Variants in TSGA10 observed in about 807,000 individuals in gnomAD.
TSGA10 encodes the protein testis-specific gene 10 protein.
Under a neutral mutation model 96.6 loss-of-function variants are expected in TSGA10, and 43 were observed. The ratio of observed to expected loss-of-function variants is 0.44; its 90% CI spans 0.35 to 0.57. TSGA10 has a LOEUF of 0.57. Among genes scored for constraint, TSGA10 ranks in the 20% least tolerant of loss-of-function variants. The pLI is 0.01. For synonymous variants in TSGA10, 229 were observed against 269.9 expected, an observed-to-expected ratio of 0.85 and a Z score of 1.48; for missense variants, 703 against 834.4, an observed-to-expected ratio of 0.84 and a Z score of 1.94.
intron 10 of TSGA10, among the ~76,000 whole-genome samples, chr2:99,096,972 T>C (rs748444080): frequency 2.0e-4 from 30 of 152,252 alleles, no homozygotes; most frequent in Admixed American, 5.2e-4. Context: ...ACCAAATTAA[T>C]GCATATAGAA....
intron 9 of TSGA10, among the ~76,000 whole-genome samples, chr2:99,104,679 T>G (rs971120628): frequency 6.6e-6 from 1 of 152,170 alleles, no homozygotes; most frequent in Non-Finnish European, 1.5e-5. Context: ...TTCACCATAT[T>G]GGTCAGGCTG....
chr2:99,121,459 T>TCTTC (rs1160900505), intron 2 of TSGA10, among the ~76,000 whole-genome samples: 1 of 151,298 alleles, frequency 6.6e-6, no homozygotes, highest in African/African-American at 2.4e-5. Flanking sequence ...GTGAAGTATA[T>TCTTC]ATATTCATAT....
chr2:99,008,029 C>A (rs1274201310), intron 20 of TSGA10, among the ~76,000 whole-genome samples: 2 of 152,144 alleles, frequency 1.3e-5, no homozygotes, highest in East Asian at 3.8e-4. Flanking sequence ...AAATTAGATC[C>A]ATTTCTCAAA....
At chr2:99,117,197 A>G (rs1483536164) in intron 4 of TSGA10, 3 of 152,212 alleles carry the variant, frequency 2.0e-5, no homozygotes, top group Admixed American at 6.5e-5. Context: ...AATCAATTAC[A>G]TATGTGAAAA....
rs551674495 is a variant in TSGA10, at chr2:99,005,913, C to T, written c.2073-7692G>A. 5.9e-5 allele frequency among the ~76,000 whole-genome samples: 9 copies of T among 152,024 alleles called. No individual in the cohort carries two copies. In the East Asian group the frequency reaches 1.7e-3, roughly 29 times the overall value. On this transcript the variant is annotated intron_variant, in intron 20 of 20. Transcript: ENST00000393483. The stretch of plus-strand genomic sequence containing the variant: ...AACTATACTACAAGGCTACAGTAAC[C>T]AAAACAGCATGGTACTGGTACCAAA...
In TSGA10 at chr2:99,020,346, GCTAT is replaced by G. The variant is rs770017309; in HGVS notation, c.1747_1750del (p.Ile583HisfsTer44). On this transcript the variant is annotated frameshift_variant, in exon 18 of 21. Transcript: ENST00000393483. LOFTEE classifies it high-confidence loss of function. ...AATTTCAGATTCTTTTTCTTGAAGT[GCTAT>G]CTGAGACTGATATTCTTTGTCTCGA... 19 of 1,613,776 alleles carry G rather than the reference GCTAT, an allele frequency of 1.2e-5. 1 individual carries two copies. The highest frequency in any genetic ancestry group is 2.2e-5 in the South Asian group (2 of 91,050).
chr2:99,118,871 A>C (rs1173531827), intron 2 of TSGA10, 185 bp from the exon 3 acceptor site: 1 of 156,142 alleles, frequency 6.4e-6, no homozygotes, highest in Non-Finnish European at 1.4e-5. Flanking sequence ...GTCATGGTAC[A>C]AATTCTTTTC....
chr2:99,014,130 G>A (rs994285287), intron 20 of TSGA10, among the ~76,000 whole-genome samples: 1 of 151,998 alleles, frequency 6.6e-6, no homozygotes, highest in African/African-American at 2.4e-5. Flanking sequence ...ACTCCAGCCT[G>A]GGCAACAGAG....
chr2:99,058,276 T>C (rs992309453), intron 16 of TSGA10, among the ~76,000 whole-genome samples: 3 of 152,214 alleles, frequency 2.0e-5, no homozygotes, highest in Non-Finnish European at 4.4e-5. Context: ...CTATATGGCA[T>C]GTTAATTATT....
chr2:99,139,348 T>C (rs1473548749), intron 1 of TSGA10, among the ~76,000 whole-genome samples: 1 of 152,204 alleles, frequency 6.6e-6, no homozygotes, highest in East Asian at 1.9e-4. Context: ...GCTAAGATTA[T>C]ATAATAAAAA....
chr2:99,002,003 C>T (rs1048497235), intron 20 of TSGA10, among the ~76,000 whole-genome samples: 3 of 152,154 alleles, frequency 2.0e-5, no homozygotes, highest in Admixed American at 2.0e-4. Context: ...ACCATATCTA[C>T]ATCTGATTGG....
intron 16 of TSGA10, 91 bp downstream of exon 16, chr2:99,064,848 G>T: frequency 9.2e-7 from 1 of 1,087,088 alleles, no homozygotes; most frequent in Non-Finnish European, 1.3e-6. Flanking sequence ...TAATTTACGT[G>T]TTTGTTCATA....
chr2:99,110,165 A>G (rs1183302195), intron 5 of TSGA10, among the ~76,000 whole-genome samples: 4 of 152,196 alleles, frequency 2.6e-5, no homozygotes, highest in African/African-American at 9.6e-5. Flanking sequence ...ACTCCATCTC[A>G]AAAGAAGAAA....
intron 20 of TSGA10, among the ~76,000 whole-genome samples, chr2:99,013,589 C>G (rs79505603): frequency 0.13 from 19,757 of 151,704 alleles, 1,775 homozygotes; most frequent in Non-Finnish European, 0.19. Flanking sequence ...CCTCCGCCCC[C>G]CAAAGTGCTG....
chr2:99,035,446 G>A lies in TSGA10; in HGVS notation c.1405-7C>T, dbSNP rs768411062. On this transcript the variant is annotated splice_region_variant and splice_polypyrimidine_tract_variant and intron_variant, in intron 16 of 20. Coordinates refer to ENST00000393483, the MANE Select transcript of TSGA10 (RefSeq NM_025244.4). ...ACCTTTCTGCATTTAAGTGCTGTAA[G>A]AATAAAATTATATATATGTATGTAT... 7 of 1,586,744 alleles carry A rather than the reference G, an allele frequency of 4.4e-6. No homozygotes were observed. Among genetic ancestry groups the A allele is most frequent in the Non-Finnish European group, 6.0e-6 (7 of 1,160,810 alleles).
chr2:99,113,979 T>A (rs556237771), intron 4 of TSGA10, among the ~76,000 whole-genome samples: 1 of 152,324 alleles, frequency 6.6e-6, no homozygotes, highest in Admixed American at 6.5e-5. Flanking sequence ...TCAAAGTAAT[T>A]ACATAGCAAT....
chr2:99,025,811 A>G (rs1395058711), intron 17 of TSGA10, among the ~76,000 whole-genome samples: 1 of 152,092 alleles, frequency 6.6e-6, no homozygotes, highest in Non-Finnish European at 1.5e-5. Context: ...CTAATCTCAG[A>G]GTATTTTCTT....
intron 10 of TSGA10, among the ~76,000 whole-genome samples, chr2:99,086,968 G>A (rs1243034015): frequency 6.6e-6 from 1 of 151,994 alleles, no homozygotes; most frequent in East Asian, 1.9e-4. Context: ...ACTTTGGGAG[G>A]CCAAGGAGGG....
chr2:99,118,267 AT>A (rs1240188722), intron 3 of TSGA10, among the ~76,000 whole-genome samples: 4 of 151,952 alleles, frequency 2.6e-5, no homozygotes, highest in African/African-American at 9.6e-5. Context: ...CCTCGCCAAC[AT>A]GGTGAAACCC....
Sources: gnomAD v4.1 joint callset for allele counts (sites outside exome capture counted in the v4.1 genomes callset) on GRCh38, gnomAD v4.1.1 for gene constraint, MANE v1.5 for transcripts, NCBI Gene and HGNC (gene_info 2026-07-23, HGNC 2026-07-21) for gene names.